The following DYM variants were observed in gnomAD, a reference collection of about 807,000 sequenced individuals.
The protein encoded by DYM is dymeclin.
DYM carries 78 observed loss-of-function variants against 93.1 expected under a neutral mutation model. The ratio of observed to expected loss-of-function variants is 0.84; its 90% CI spans 0.70 to 1.01. The LOEUF (loss-of-function observed/expected upper bound fraction) is 1.01. Ranked by LOEUF, DYM falls within the 50% of genes least tolerant of loss-of-function variation. The pLI is 0.00. For synonymous variants in DYM, 321 were observed against 319.7 expected (o/e 1.00, Z -0.04); for missense variants, 789 against 845.0 (o/e 0.93, Z 0.82).
intron 13 of DYM, among the ~76,000 whole-genome samples, chr18:49,216,924 GAGA>G (rs1471788117): frequency 6.6e-6 from 1 of 152,348 alleles, no homozygotes; most frequent in East Asian, 1.9e-4. Flanking sequence ...GACGAGTGGA[GAGA>G]AGAAGACTTC....
At chr18:49,095,481 C>A (rs1391429185) in intron 17 of DYM, among the ~76,000 whole-genome samples, 1 of 145,004 alleles carries the variant, frequency 6.9e-6, no homozygotes, top group Admixed American at 7.0e-5. Flanking sequence ...TAAACTGAAT[C>A]ATCCATCTTC....
intron 3 of DYM, among the ~76,000 whole-genome samples, chr18:49,380,347 AT>A (rs2067929262): frequency 6.6e-6 from 1 of 152,192 alleles, no homozygotes; most frequent in African/African-American, 2.4e-5. Flanking sequence ...ATCCAGGTCT[AT>A]AATTAACTGA....
chr18:49,328,484 A>G (rs2849477), intron 8 of DYM, among the ~76,000 whole-genome samples: 109,093 of 152,104 alleles, frequency 0.72, 39,185 homozygotes, highest in South Asian at 0.76. Flanking sequence ...ACTACCATCA[A>G]AGTGAACAGA....
chr18:49,142,252 ATAAT>A (rs2084597242), intron 15 of DYM, among the ~76,000 whole-genome samples: 1 of 152,152 alleles, frequency 6.6e-6, no homozygotes, highest in African/African-American at 2.4e-5. Context: ...TATTTAAAAG[ATAAT>A]TAATTATAGC....
chr18:49,416,406 C>G (rs938426008), intron 2 of DYM, among the ~76,000 whole-genome samples: 6 of 152,210 alleles, frequency 3.9e-5, no homozygotes, highest in Admixed American at 2.6e-4. Context: ...ATTCTTCACA[C>G]TTCACCCAAA....
intron 17 of DYM, 45 bp downstream of exon 17, chr18:49,097,357 A>G (rs774241781): frequency 2.6e-6 from 4 of 1,563,990 alleles, no homozygotes; most frequent in Non-Finnish European, 3.5e-6. Context: ...CATTTACATC[A>G]AGGGACACGG....
At chr18:49,105,763 G>A (rs1025170322) in intron 16 of DYM, among the ~76,000 whole-genome samples, 2 of 152,330 alleles carry the variant, frequency 1.3e-5, no homozygotes, top group Middle Eastern at 3.4e-3. Flanking sequence ...CTGCACTGTG[G>A]TCTGAGAGAC....
chr18:49,340,014 C>A (rs1439066920), intron 6 of DYM, among the ~76,000 whole-genome samples: 1 of 151,984 alleles, frequency 6.6e-6, no homozygotes, highest in African/African-American at 2.4e-5. Context: ...GCAGTGGCGC[C>A]ATCTCGGCTC....
chr18:49,133,737 CA>C (rs1215484418), intron 15 of DYM, among the ~76,000 whole-genome samples: 1 of 152,184 alleles, frequency 6.6e-6, no homozygotes, highest in East Asian at 1.9e-4. Context: ...TTTGGCTGGA[CA>C]AAAAGTTCTC....
At chr18:49,216,576 C>G (rs1303562385) in intron 13 of DYM, among the ~76,000 whole-genome samples, 1 of 152,164 alleles carries the variant, frequency 6.6e-6, no homozygotes, top group Non-Finnish European at 1.5e-5. Context: ...AACGATCAGA[C>G]AGCAGCATTC....
chr18:49,163,721 A>C lies in DYM; in HGVS notation c.1692T>G (p.Gly564=), dbSNP rs1442463133. Residue 564 remains glycine, a synonymous_variant, in exon 15 of 18, where the codon GGT becomes GGG. Transcript: ENST00000675505. ...GAGGAACATCATTAGAACTCAGCGA[A>C]CCTCTCAAGGACTGTGTGGCTTGTT... ...VLEQATQSLR[G]SLSSNDVPLP... is the part of the protein sequence containing the mutation. 5 of 1,612,692 alleles carry C rather than the reference A, an allele frequency of 3.1e-6. No homozygotes were observed. The highest frequency in any genetic ancestry group is 3.4e-6 in the Non-Finnish European group (4 of 1,179,202).
At chr18:49,347,792 C>T (rs1294467439) in intron 6 of DYM, among the ~76,000 whole-genome samples, 2 of 152,076 alleles carry the variant, frequency 1.3e-5, no homozygotes, top group African/African-American at 4.8e-5. Flanking sequence ...TGAAAGAAAC[C>T]AAAATTCTAC....
At chr18:49,423,431 A>G (rs1018697584) in intron 2 of DYM, among the ~76,000 whole-genome samples, 19 of 152,242 alleles carry the variant, frequency 1.2e-4, no homozygotes, top group Non-Finnish European at 2.8e-4. Context: ...AAATGCCCAC[A>G]AGAGAAAGCA....
intron 14 of DYM, among the ~76,000 whole-genome samples, chr18:49,177,311 C>A (rs2089489125): frequency 6.6e-6 from 1 of 152,050 alleles, no homozygotes; most frequent in Non-Finnish European, 1.5e-5. Context: ...TACTATATGT[C>A]AGATTTTACA....
At chr18:49,453,551 C>T (rs189145090) in intron 1 of DYM, among the ~76,000 whole-genome samples, 39 of 152,242 alleles carry the variant, frequency 2.6e-4, no homozygotes, top group African/African-American at 7.7e-4. Flanking sequence ...ACTCCACACA[C>T]GCCGCCTTTA....
chr18:49,173,537 A>T (rs560270133), intron 14 of DYM, among the ~76,000 whole-genome samples: 59 of 152,062 alleles, frequency 3.9e-4, no homozygotes, highest in Non-Finnish European at 7.5e-4. Flanking sequence ...AAGTTATTTC[A>T]TATTTTTGAT....
At chr18:49,120,104 AG>A (rs1399966447) in intron 15 of DYM, among the ~76,000 whole-genome samples, 1 of 151,358 alleles carries the variant, frequency 6.6e-6, no homozygotes, top group African/African-American at 2.4e-5. Context: ...AAGAAAAAAA[AG>A]AAAAGAAAAA....
chr18:49,135,753 A>G (rs1414183107), intron 15 of DYM, among the ~76,000 whole-genome samples: 1 of 152,226 alleles, frequency 6.6e-6, no homozygotes, highest in East Asian at 1.9e-4. Context: ...TTACAATGAA[A>G]TGCTCTAAGC....
intron 16 of DYM, among the ~76,000 whole-genome samples, chr18:49,101,429 T>C (rs1677951107): frequency 6.6e-6 from 1 of 152,242 alleles, no homozygotes; most frequent in Admixed American, 6.5e-5. Flanking sequence ...ATATACTGAT[T>C]AATCAGTTGT....
Sources: gnomAD v4.1 joint callset for allele counts (sites outside exome capture counted in the v4.1 genomes callset) on GRCh38, gnomAD v4.1.1 for gene constraint, MANE v1.5 for transcripts, NCBI Gene and HGNC (gene_info 2026-07-23, HGNC 2026-07-21) for gene names.